The following AFG1L variants were observed in gnomAD, a reference collection of about 807,000 sequenced individuals.
AFG1L encodes AFG1-like ATPase.
In AFG1L, 53 loss-of-function variants were observed where a neutral mutation model predicts 62.2. The observed-to-expected ratio is 0.85, with a 90% CI of 0.68 to 1.07. AFG1L has a LOEUF of 1.07. Among genes scored for constraint, AFG1L ranks in the 50% least tolerant of loss-of-function variants. AFG1L has a pLI of 0.00. For missense variants in AFG1L, 555 were observed against 590.5 expected, an observed-to-expected ratio of 0.94 and a Z score of 0.62; for synonymous variants, 228 against 210.3, an observed-to-expected ratio of 1.08 and a Z score of -0.73.
chr6:108,500,167 C>CGTGTGTGTGT (rs1413385578), intron 10 of AFG1L, among the ~76,000 whole-genome samples: 14 of 73,028 alleles, frequency 1.9e-4, no homozygotes, highest in South Asian at 5.3e-4. Context: ...TTCCATGGTG[C>CGTGTGTGTGT]GTGCGTGTGT....
At chr6:108,330,480 T>G (rs1778233998) in intron 2 of AFG1L, among the ~76,000 whole-genome samples, 1 of 152,108 alleles carries the variant, frequency 6.6e-6, no homozygotes, top group East Asian at 1.9e-4. Flanking sequence ...GGCTCATAAA[T>G]TCCTTTTCTT....
intron 6 of AFG1L, among the ~76,000 whole-genome samples, chr6:108,369,311 T>C (rs1779890544): frequency 1.3e-5 from 2 of 152,096 alleles, no homozygotes; most frequent in Admixed American, 1.3e-4. Context: ...TAAAAACTCA[T>C]AGAACCGTAG....
intron 3 of AFG1L, among the ~76,000 whole-genome samples, chr6:108,349,553 G>C (rs554229746): frequency 7.2e-5 from 11 of 152,168 alleles, no homozygotes; most frequent in African/African-American, 2.6e-4. Flanking sequence ...TGGGAGAGTA[G>C]CCTCAAAATG....
intron 10 of AFG1L, among the ~76,000 whole-genome samples, chr6:108,502,456 C>T (rs545830191): frequency 2.4e-4 from 36 of 152,258 alleles, no homozygotes; most frequent in African/African-American, 8.2e-4. Flanking sequence ...CCACTCGCTT[C>T]GGCCTCCCAA....
At chr6:108,297,874 AAAAAAG>A (rs1776829933) in intron 1 of AFG1L, among the ~76,000 whole-genome samples, 2 of 150,500 alleles carry the variant, frequency 1.3e-5, no homozygotes, top group African/African-American at 5.0e-5. Flanking sequence ...AAAAAAAAAA[AAAAAAG>A]GAAAAGTGAA....
chr6:108,393,861 A>G (rs9486871), intron 6 of AFG1L, among the ~76,000 whole-genome samples: 53,631 of 151,934 alleles, frequency 0.35, 9,877 homozygotes, highest in Non-Finnish European at 0.42. Flanking sequence ...TAGTTGACAT[A>G]TAATAGGCTG....
At chr6:108,333,352 G>T (rs1476413462) in intron 2 of AFG1L, among the ~76,000 whole-genome samples, 5 of 151,962 alleles carry the variant, frequency 3.3e-5, no homozygotes, top group African/African-American at 1.2e-4. Context: ...GGAGATTGCA[G>T]TGAGGTGATA....
chr6:108,432,812 G>A (rs1771134021), intron 7 of AFG1L, among the ~76,000 whole-genome samples: 1 of 152,180 alleles, frequency 6.6e-6, no homozygotes, highest in Admixed American at 6.5e-5. Context: ...GAAATGCCTG[G>A]GAGTGGGGCC....
intron 2 of AFG1L, among the ~76,000 whole-genome samples, chr6:108,330,835 T>C (rs7759774): frequency 0.71 from 107,723 of 152,112 alleles, 41,821 homozygotes; most frequent in Non-Finnish European, 0.88. Flanking sequence ...TTCAGCTAAT[T>C]ACTACCTGTT....
rs765754854 is a variant in AFG1L at position 108,324,065 on chromosome 6, A to C, written c.363+17A>C. 4 of 1,553,848 alleles carry C rather than the reference A, an allele frequency of 2.6e-6. No individual in the cohort carries two copies. In the African/African-American group the frequency reaches 5.4e-5, roughly 21 times the overall value. ...TTTTCAAAGGTGAGGCTTGTGTGAT[A>C]TGAAAGATTAAACAGTTAAAAGTGT... On this transcript the variant is annotated intron_variant, in intron 2 of 12. Transcript: ENST00000368977.
chr6:108,482,833 A>G (rs1773379916), intron 10 of AFG1L, among the ~76,000 whole-genome samples: 1 of 152,050 alleles, frequency 6.6e-6, no homozygotes, highest in East Asian at 1.9e-4. Flanking sequence ...CATACTGTCA[A>G]CATGGCTTAT....
At chr6:108,498,629 A>G (rs1008274155) in intron 10 of AFG1L, among the ~76,000 whole-genome samples, 1 of 152,194 alleles carries the variant, frequency 6.6e-6, no homozygotes, top group African/African-American at 2.4e-5. Context: ...CATTCATTAT[A>G]TTTCTGTATA....
chr6:108,448,888 G>A (rs569795254), intron 8 of AFG1L, among the ~76,000 whole-genome samples: 1 of 152,244 alleles, frequency 6.6e-6, no homozygotes, highest in African/African-American at 2.4e-5. Context: ...AATGGCTCAT[G>A]CCTATAATCC....
At chr6:108,485,656 A>ATTTTTTTTTTT in intron 10 of AFG1L, among the ~76,000 whole-genome samples, 1 of 25,032 alleles carries the variant, frequency 4.0e-5, no homozygotes. Flanking sequence ...ATATATATAT[A>ATTTTTTTTTTT]TTTTTTTTTT....
At chr6:108,460,302 C>A (rs1178523228) in intron 8 of AFG1L, among the ~76,000 whole-genome samples, 1 of 151,824 alleles carries the variant, frequency 6.6e-6, no homozygotes, top group African/African-American at 2.4e-5. Flanking sequence ...TTAAAGGAGA[C>A]GTAGATAATA....
chr6:108,480,613 C>T (rs1353645556), intron 10 of AFG1L, among the ~76,000 whole-genome samples: 1 of 152,126 alleles, frequency 6.6e-6, no homozygotes, highest in Non-Finnish European at 1.5e-5. Flanking sequence ...GCCTGGACAA[C>T]ATGGCAAAAC....
At chr6:108,445,672 G>GAGAGAGAGAGAGAA in intron 7 of AFG1L, among the ~76,000 whole-genome samples, 1 of 124,478 alleles carries the variant, frequency 8.0e-6, no homozygotes, top group South Asian at 2.7e-4. Context: ...GAGAGAGAGA[G>GAGAGAGAGAGAGAA]AGAGAGAGAA....
At chr6:108,368,804 G>T (rs1779866707) in intron 6 of AFG1L, among the ~76,000 whole-genome samples, 2 of 152,168 alleles carry the variant, frequency 1.3e-5, no homozygotes, top group African/African-American at 2.4e-5. Flanking sequence ...ACTAACTGAG[G>T]AAGGACAGCC....
chr6:108,318,913 GC>G (rs896319575), intron 1 of AFG1L, among the ~76,000 whole-genome samples: 48 of 152,284 alleles, frequency 3.2e-4, no homozygotes, highest in African/African-American at 9.9e-4. Flanking sequence ...ATTTAATGCA[GC>G]TTTTGAGAAG....
Sources: allele counts gnomAD v4.1 joint callset (sites outside exome capture counted in the v4.1 genomes callset), GRCh38; gene constraint gnomAD v4.1.1; transcripts MANE v1.5; gene names NCBI Gene and HGNC (gene_info 2026-07-23, HGNC 2026-07-21).